Variants in BRD10 observed in about 807,000 individuals in gnomAD.
BRD10 encodes the protein bromodomain containing 10.
chr9:5,957,293 A>T, the BRD10 span, among the ~76,000 whole-genome samples: 207 of 152,310 alleles, frequency 1.4e-3, no homozygotes, highest in Middle Eastern at 3.4e-3. Context: ...GTAAGTAAGC[A>T]CCACAGTCAG....
At chr9:5,977,604 T>C in the BRD10 span, among the ~76,000 whole-genome samples, 1 of 152,208 alleles carries the variant, frequency 6.6e-6, no homozygotes, top group East Asian at 1.9e-4. Flanking sequence ...TCCCAGCACT[T>C]TGAGAGGCTG....
At chr9:5,894,691 C>T in the BRD10 span, among the ~76,000 whole-genome samples, 2 of 152,174 alleles carry the variant, frequency 1.3e-5, no homozygotes, top group East Asian at 3.8e-4. The surrounding 1 kb of genome is among the most constrained non-coding windows in gnomAD (Gnocchi z 4.0). Flanking sequence ...ACAATGTGAG[C>T]ATTGCTGGGG....
chr9:5,903,803 T>A, the BRD10 span, among the ~76,000 whole-genome samples: 1 of 152,192 alleles, frequency 6.6e-6, no homozygotes, highest in Non-Finnish European at 1.5e-5. Flanking sequence ...GAAACTAATA[T>A]AGGAACTCCT....
chr9:5,986,256 G>A, the BRD10 span, among the ~76,000 whole-genome samples: 18 of 152,160 alleles, frequency 1.2e-4, no homozygotes, highest in Non-Finnish European at 2.2e-4. Flanking sequence ...AGTTTGCTGA[G>A]GATAATGGCT....
chr9:5,971,957 C>T, the BRD10 span, among the ~76,000 whole-genome samples: 1 of 152,184 alleles, frequency 6.6e-6, no homozygotes, highest in Admixed American at 6.5e-5. Flanking sequence ...TAAGCTGACT[C>T]ATATGGATTT....
chr9:5,965,196 C>T, the BRD10 span, among the ~76,000 whole-genome samples: 5 of 151,734 alleles, frequency 3.3e-5, no homozygotes, highest in African/African-American at 1.2e-4. Flanking sequence ...GAACTTAGTC[C>T]ACCCTAAGTG....
At chr9:5,898,058 A>C in the BRD10 span, 1 of 159,856 alleles carries the variant, frequency 6.3e-6, no homozygotes, top group Non-Finnish European at 1.4e-5. Context: ...AGCTGAACTC[A>C]TTTTTTTTTT....
the BRD10 span, chr9:5,988,391 G>C: frequency 6.2e-7 from 1 of 1,613,320 alleles, no homozygotes; most frequent in Middle Eastern, 1.6e-4. Flanking sequence ...CTCAAAACTT[G>C]AACCATTATA....
the BRD10 span, among the ~76,000 whole-genome samples, chr9:5,998,160 C>T: frequency 2.0e-5 from 3 of 152,028 alleles, no homozygotes; most frequent in Admixed American, 6.5e-5. Context: ...GAGATGGCTA[C>T]TGGACACTCA....
chr9:5,891,201 T>C, the BRD10 span: 13 of 152,196 alleles, frequency 8.5e-5, no homozygotes, highest in African/African-American at 2.9e-4. Flanking sequence ...CTCCCTGAGG[T>C]AGATGTGTTC....
At chr9:5,920,789 A>C in the BRD10 span, 1 of 1,613,874 alleles carries the variant, frequency 6.2e-7, no homozygotes, top group Non-Finnish European at 8.5e-7. Context: ...AGCTGATGTT[A>C]AACATTTAGG....
the BRD10 span, among the ~76,000 whole-genome samples, chr9:5,881,030 C>T: frequency 2.6e-5 from 4 of 152,140 alleles, no homozygotes; most frequent in Non-Finnish European, 4.4e-5. Flanking sequence ...TAAGATCTCA[C>T]CCAAGGTGGA....
chr9:5,897,743 G>C, the BRD10 span: 1 of 1,131,482 alleles, frequency 8.8e-7, no homozygotes, highest in Non-Finnish European at 1.3e-6. Context: ...TCAGATAATT[G>C]CCTCATTATA....
the BRD10 span, among the ~76,000 whole-genome samples, chr9:5,897,277 C>T: frequency 1.3e-5 from 2 of 152,196 alleles, no homozygotes; most frequent in Non-Finnish European, 2.9e-5. Flanking sequence ...AGACCAGTTA[C>T]TATGGCACTT....
chr9:5,895,733 C>A, the BRD10 span, among the ~76,000 whole-genome samples: 4 of 152,298 alleles, frequency 2.6e-5, no homozygotes, highest in African/African-American at 4.8e-5. Context: ...TGCACCTTAA[C>A]GTGCATCTCA....
chr9:5,929,195 A>T, the BRD10 span: 1 of 1,058,918 alleles, frequency 9.4e-7, no homozygotes. Flanking sequence ...CCTTAGATTT[A>T]TTCTAAAAGT....
the BRD10 span, among the ~76,000 whole-genome samples, chr9:5,908,404 G>A: frequency 2.6e-4 from 40 of 152,254 alleles, no homozygotes; most frequent in African/African-American, 9.6e-4. Flanking sequence ...GTATAGCTAA[G>A]CTTTTGAGAT....
chr9:5,922,524 C>T, the BRD10 span: 2 of 1,613,968 alleles, frequency 1.2e-6, no homozygotes, highest in Non-Finnish European at 1.7e-6. Context: ...GAAACAGTTC[C>T]TGGTGAGTTG....
At chr9:5,882,320 A>C in the BRD10 span, among the ~76,000 whole-genome samples, 6 of 152,102 alleles carry the variant, frequency 3.9e-5, no homozygotes, top group Admixed American at 3.3e-4. Context: ...TGGGGTGTTA[A>C]ATACCACCCC....
Sources: allele counts gnomAD v4.1 joint callset (sites outside exome capture counted in the v4.1 genomes callset), GRCh38; gene constraint gnomAD v4.1.1; non-coding constraint Gnocchi (gnomAD v3.1); transcripts MANE v1.5; gene names NCBI Gene and HGNC (gene_info 2026-07-23, HGNC 2026-07-21).